The following TDRD6 variants were observed in gnomAD, a reference collection of about 807,000 sequenced individuals.
TDRD6 encodes tudor domain containing 6.
Under a neutral mutation model 157.5 loss-of-function variants are expected in TDRD6, and 186 were observed. That is an observed-to-expected ratio of 1.18 (90% CI 1.05 to 1.33). The LOEUF (loss-of-function observed/expected upper bound fraction) is 1.33. Among genes scored for constraint, TDRD6 ranks in the 40% most tolerant of loss-of-function variants. The pLI, the probability that TDRD6 is intolerant of heterozygous loss-of-function variation, is 0.00. For synonymous variants in TDRD6, 1,075 were observed against 945.2 expected (o/e 1.14, Z -2.52); for missense variants, 3,066 against 2,508.0 (o/e 1.22, Z -4.75).
chr6:46,686,812 G>C (rs751995645), upstream of TDRD6, among the ~76,000 whole-genome samples: 6 of 152,232 alleles, frequency 3.9e-5, no homozygotes, highest in Admixed American at 1.3e-4. Flanking sequence ...TGGGATGATA[G>C]AGATCAGACA....
intron 1 of TDRD6, among the ~76,000 whole-genome samples, chr6:46,694,570 T>G (rs1413487003): frequency 6.6e-6 from 1 of 152,214 alleles, no homozygotes; most frequent in Non-Finnish European, 1.5e-5. Flanking sequence ...TAATTTTTTG[T>G]AAGAGATTAA....
chr6:46,689,597 A>G lies in TDRD6; in HGVS notation c.1469A>G (p.Asp490Gly). 2 of 1,614,164 alleles carry G rather than the reference A, an allele frequency of 1.2e-6. No individual in the cohort carries two copies. Among genetic ancestry groups the G allele is most frequent in the Non-Finnish European group, 8.5e-7 (1 of 1,180,032 alleles). The part of the protein sequence containing the change: ...SIRLKMNAFY[D>G]AQVEFVKNPS... The stretch of plus-strand genomic sequence containing the variant: ...AGGTTAAAGATGAATGCCTTCTACG[A>G]TGCGCAGGTAGAGTTTGTTAAAAAT... Residue 490 changes from aspartate (D) to glycine (G), a missense_variant, in exon 1 of 4, where the codon GAT becomes GGT. By Grantham distance (94) the Asp-to-Gly change is moderately conservative. Coordinates refer to ENST00000316081, the MANE Select transcript of TDRD6 (RefSeq NM_001010870.3).
upstream of TDRD6, chr6:46,687,830 C>T: frequency 2.8e-6 from 1 of 354,872 alleles, no homozygotes; most frequent in Non-Finnish European, 5.1e-6. Flanking sequence ...CAGGCCTCGG[C>T]TGGCCCCGCC....
At position 46,692,264 on chromosome 6, in the gene TDRD6, C is replaced by G. The variant is rs1215934131; in HGVS notation, c.4136C>G (p.Pro1379Arg). Residue 1379 changes from proline (P) to arginine (R), a missense_variant, in exon 1 of 4, where the codon CCC becomes CGC. Physicochemically the swap from Pro to Arg is moderately radical, Grantham distance 103 (BLOSUM62 -2). Transcript: ENST00000316081. Reference protein sequence around the residue: ...WYRAVIKEQQPNDLLSVQFID... With the variant: ...WYRAVIKEQQRNDLLSVQFID... Reference sequence around the variant, plus strand: ...CGTGCTGTGATCAAGGAGCAACAACCCAATGACCTTCTCTCTGTGCAGTTT... The same window carrying G: ...CGTGCTGTGATCAAGGAGCAACAACGCAATGACCTTCTCTCTGTGCAGTTT... The G allele has an allele frequency of 6.8e-6, 11 of 1,613,940 alleles. No individual in the cohort carries two copies. Among genetic ancestry groups the G allele is most frequent in the Non-Finnish European group, 6.8e-6 (8 of 1,179,908 alleles).
In TDRD6 at chr6:46,689,143, C is replaced by G. The variant is rs895057899; in HGVS notation, c.1015C>G (p.Arg339Gly). 1 of 1,614,184 alleles carries G rather than the reference C, an allele frequency of 6.2e-7. No homozygotes were observed. Among genetic ancestry groups the G allele is most frequent in the Admixed American group, 1.7e-5 (1 of 60,028 alleles). Residue 339 changes from arginine to glycine, a missense_variant, in exon 1 of 4, where the codon CGC (arginine) becomes GGC (glycine). Physicochemically the swap from Arg to Gly is moderately radical, Grantham distance 125. Transcript: ENST00000316081. ...GTTGCTTGAGACTTTTCGGCCCCAG[C>G]GCTGTGCCCAGGTGCTTCATGTGGA... is the stretch of plus-strand genomic sequence containing the variant. ...ALLLETFRPQ[R>G]CAQVLHVDYG...
chr6:46,683,627 T>C (rs921423670), upstream of TDRD6, among the ~76,000 whole-genome samples: 1 of 152,072 alleles, frequency 6.6e-6, no homozygotes, highest in African/African-American at 2.4e-5. Context: ...TAGACCAAAT[T>C]TTTAAAAAAC....
In TDRD6 at chr6:46,693,263, T is replaced by C. The variant is rs550123704; in HGVS notation, c.5135T>C (p.Ile1712Thr). 2.5e-6 allele frequency: 4 copies of C among 1,613,618 alleles called. No individual in the cohort carries two copies. The highest frequency in any genetic ancestry group is 2.2e-5 in the South Asian group (2 of 90,972). ...AAAAGTGCTCTTCCCTATGAAAATA[T>C]TGACTCAGAGATAAAGCAGACTCTT... ...GIKSALPYEN[I>T]DSEIKQTLGS... The change falls in exon 1 of 4, where the codon ATT becomes ACT. Residue 1712 changes from isoleucine (I) to threonine (T), a missense_variant. Ile to Thr is a moderately conservative substitution (Grantham distance 89, BLOSUM62 -1). Coordinates refer to ENST00000316081, the MANE Select transcript of TDRD6 (RefSeq NM_001010870.3).
chr6:46,688,178 G>A lies in TDRD6; in HGVS notation c.50G>A (p.Arg17Gln). 2 of 1,551,270 alleles carry A rather than the reference G, an allele frequency of 1.3e-6. No individual in the cohort carries two copies. The highest frequency in any genetic ancestry group is 1.2e-5 in the South Asian group (1 of 85,572). The change falls in exon 1 of 4, where the codon CGG (arginine) becomes CAG (glutamine). Residue 17 changes from arginine (R) to glutamine (Q), a missense_variant. Arg to Gln is a conservative substitution (Grantham distance 43). Coordinates refer to ENST00000316081, the MANE Select transcript of TDRD6 (RefSeq NM_001010870.3). The part of the protein sequence containing the change: ...MPAPGASLAL[R>Q]VSFVDVHPDV... ...GCGCCGGGGGCCTCGCTGGCCCTGCGGGTGTCCTTCGTGGACGTGCATCCC... is the reference window on the plus strand; with the variant it reads ...GCGCCGGGGGCCTCGCTGGCCCTGCAGGTGTCCTTCGTGGACGTGCATCCC...
At chr6:46,681,439 G>C in the TDRD6 span, 2 of 441,608 alleles carry the variant, frequency 4.5e-6, no homozygotes, top group Non-Finnish European at 9.6e-6. Context: ...CCATATACAT[G>C]AACATTTTAC....
chr6:46,681,260 G>A, the TDRD6 span, among the ~76,000 whole-genome samples: 3 of 152,090 alleles, frequency 2.0e-5, no homozygotes, highest in Non-Finnish European at 2.9e-5. Context: ...ATGATCATGT[G>A]TGTTTAAAAC....
chr6:46,685,512 A>G (rs1455343231), upstream of TDRD6, among the ~76,000 whole-genome samples: 1 of 152,132 alleles, frequency 6.6e-6, no homozygotes, highest in Non-Finnish European at 1.5e-5. Context: ...CACCTGTCAT[A>G]CACATTCCAT....
At chr6:46,695,765 GT>G in intron 1 of TDRD6, 55 bp from the exon 2 acceptor site, 1 of 1,562,944 alleles carries the variant, frequency 6.4e-7, no homozygotes, top group Non-Finnish European at 8.7e-7. Flanking sequence ...GCTTGTGTAT[GT>G]TACATTAAGG....
upstream of TDRD6, among the ~76,000 whole-genome samples, chr6:46,684,389 G>C (rs1764038964): frequency 6.6e-6 from 1 of 151,366 alleles, no homozygotes; most frequent in Admixed American, 6.6e-5. Context: ...GTGTGTGTGT[G>C]TGTGTCATTC....
chr6:46,691,940 G>A lies in TDRD6; in HGVS notation c.3812G>A (p.Arg1271Lys). Residue 1271 changes from arginine to lysine, a missense_variant, in exon 1 of 4, where the codon AGA becomes AAA. By Grantham distance (26) the Arg-to-Lys change is conservative. Transcript: ENST00000316081. The part of the protein sequence containing the change: ...ISAETPLKTA[R>K]VEATLSERKI... The stretch of plus-strand genomic sequence containing the variant: ...GCTGAGACACCCTTGAAAACAGCAA[G>A]AGTAGAAGCTACTCTTTCAGAGAGA... The A allele has an allele frequency of 6.2e-7, 1 of 1,610,832 alleles. No individual in the cohort carries two copies. Among genetic ancestry groups the A allele is most frequent in the Non-Finnish European group, 8.5e-7 (1 of 1,179,270 alleles).
chr6:46,680,998 C>A, the TDRD6 span, among the ~76,000 whole-genome samples: 2 of 152,186 alleles, frequency 1.3e-5, no homozygotes. Context: ...ATATCAGCGT[C>A]CCCTACACAA....
Position 46,688,132 on chromosome 6 carries a change from T to A in TDRD6, c.4T>A (p.Cys2Ser). M[C>S]STPGMPAPGA... ...GGGGCCGCGCCGCGCCGTCAAGATG[T>A]GCTCGACGCCCGGAATGCCGGCGCC... Residue 2 changes from cysteine (C) to serine (S), a missense_variant, in exon 1 of 4, where the codon TGC (cysteine) becomes AGC (serine). By Grantham distance (112) the Cys-to-Ser change is moderately radical. Coordinates refer to ENST00000316081, the MANE Select transcript of TDRD6 (RefSeq NM_001010870.3). 1 of 1,533,506 alleles carries A rather than the reference T, an allele frequency of 6.5e-7. No individual in the cohort carries two copies. The highest frequency in any genetic ancestry group is 8.7e-7 in the Non-Finnish European group (1 of 1,147,040). 95.0% of individuals were successfully genotyped at this position (1,533,506 alleles called of 1,614,324 possible).
rs1764704329 is a variant in TDRD6 at position 46,704,250 on chromosome 6, GT to G, written c.*2364del. The G allele has an allele frequency of 3.4e-6, 1 of 298,416 alleles. No homozygotes were observed. The highest frequency in any genetic ancestry group is 6.4e-6 in the Non-Finnish European group (1 of 155,742). 18.5% of individuals were successfully genotyped at this position (298,416 alleles called of 1,614,324 possible). On this transcript the variant is annotated 3_prime_UTR_variant, in exon 4 of 4. Transcript: ENST00000316081. ...TAATCTACTTGTCTGTCAAAGTAAT[GT>G]AAAAACAGTTTTTAACTTCGACACT...
chr6:46,684,008 T>C (rs1764024320), upstream of TDRD6, among the ~76,000 whole-genome samples: 1 of 152,148 alleles, frequency 6.6e-6, no homozygotes. Flanking sequence ...TGCCGTTATA[T>C]CCATTTTCAG....
chr6:46,682,798 A>G, the TDRD6 span, among the ~76,000 whole-genome samples: 1 of 151,960 alleles, frequency 6.6e-6, no homozygotes, highest in East Asian at 1.9e-4. Flanking sequence ...TTGTTCACTG[A>G]AAAATATAAA....
Sources: gnomAD v4.1 joint callset for allele counts (sites outside exome capture counted in the v4.1 genomes callset) on GRCh38, gnomAD v4.1.1 for gene constraint, MANE v1.5 for transcripts, NCBI Gene and HGNC (gene_info 2026-07-23, HGNC 2026-07-21) for gene names.